GABRB1: variants seen among roughly 807,000 people sequenced by gnomAD.
GABRB1 encodes the protein gamma-aminobutyric acid type A receptor subunit beta1.
A neutral mutation model predicts 51.6 loss-of-function variants in GABRB1; 17 were observed. The ratio of observed to expected loss-of-function variants is 0.33; its 90% CI spans 0.23 to 0.49. The LOEUF is 0.49. Ranked by LOEUF, GABRB1 falls within the 20% of genes least tolerant of loss-of-function variation. The pLI is 0.99. For synonymous variants in GABRB1, 247 were observed against 218.9 expected (o/e 1.13, Z -1.14); for missense variants, 410 against 600.6 (o/e 0.68, Z 3.32).
intron 8 of GABRB1, among the ~76,000 whole-genome samples, chr4:47,422,648 T>C (rs1423831572): frequency 6.6e-6 from 1 of 152,206 alleles, no homozygotes; most frequent in Non-Finnish European, 1.5e-5. Context: ...TCTCTTTCAC[T>C]GACTCCATAG....
At chr4:47,169,818 C>A (rs1718364722) in intron 4 of GABRB1, among the ~76,000 whole-genome samples, 2 of 151,842 alleles carry the variant, frequency 1.3e-5, no homozygotes, top group African/African-American at 4.8e-5. Flanking sequence ...GCATTTTTAG[C>A]CCAAGTCTTC....
chr4:47,072,585 A>G lies in GABRB1; in HGVS notation c.240+40101A>G, dbSNP rs548562554. ...CTAACTACTACTTTTACTATGTGGT[A>G]TCATGTTTGATAATGCCTCTCTAAT... On this transcript the variant is annotated intron_variant, in intron 3 of 8. Coordinates refer to ENST00000295454, the MANE Select transcript of GABRB1 (RefSeq NM_000812.4). Among the ~76,000 whole-genome samples, 6 of 152,318 alleles carry G rather than the reference A, an allele frequency of 3.9e-5. No homozygotes were observed. The South Asian group carries it at 1.0e-3, about 26-fold the overall frequency.
At chr4:47,328,262 T>C (rs1233389807) in intron 5 of GABRB1, among the ~76,000 whole-genome samples, 6 of 152,166 alleles carry the variant, frequency 3.9e-5, no homozygotes, top group Non-Finnish European at 8.8e-5. Context: ...TTCTGTAGGT[T>C]GCCTGTTCAC....
chr4:47,106,756 A>C (rs2109618496), intron 3 of GABRB1, among the ~76,000 whole-genome samples: 1 of 152,162 alleles, frequency 6.6e-6, no homozygotes, highest in South Asian at 2.1e-4. Context: ...GAGGTTGCTT[A>C]ATGTTTAGTC....
chr4:47,119,247 T>C (rs1200081420), intron 3 of GABRB1, among the ~76,000 whole-genome samples: 5 of 152,132 alleles, frequency 3.3e-5, no homozygotes, highest in Admixed American at 6.5e-5. Context: ...TAAAATAAAA[T>C]TATATTTTTA....
chr4:47,125,490 T>C (rs1393343689), intron 3 of GABRB1, among the ~76,000 whole-genome samples: 2 of 151,252 alleles, frequency 1.3e-5, no homozygotes, highest in African/African-American at 4.8e-5. Flanking sequence ...GTATAAAAAT[T>C]AAAAGATAAA....
chr4:47,246,327 C>CATATAT (rs1721743398), intron 4 of GABRB1, among the ~76,000 whole-genome samples: 1 of 58,580 alleles, frequency 1.7e-5, no homozygotes, highest in Non-Finnish European at 3.4e-5. Flanking sequence ...CACACACACA[C>CATATAT]ACATATGTAC....
At chr4:47,062,937 A>G (rs1489340847) in intron 3 of GABRB1, among the ~76,000 whole-genome samples, 1 of 152,164 alleles carries the variant, frequency 6.6e-6, no homozygotes, top group African/African-American at 2.4e-5. Flanking sequence ...ACATCTAACT[A>G]GCCTCTGAGT....
In GABRB1 at chr4:47,162,535, T is replaced by C. The variant is rs544351146; in HGVS notation, c.461+1066T>C. Among the ~76,000 whole-genome samples, 69 of 152,182 alleles carry C rather than the reference T, an allele frequency of 4.5e-4. No homozygotes were observed. In the Middle Eastern group the frequency reaches 0.017, roughly 38 times the overall value. The stretch of plus-strand genomic sequence containing the variant: ...TCACTTCAGGCATTTCCCAAATTAT[T>C]ACCAGCATCTACCAGTGGGAATAAT... On this transcript the variant is annotated intron_variant, in intron 4 of 8. Transcript: ENST00000295454.
At chr4:47,042,393 A>G (rs112673248) in intron 3 of GABRB1, among the ~76,000 whole-genome samples, 1 of 37,968 alleles carries the variant, frequency 2.6e-5, no homozygotes, top group South Asian at 6.5e-4. Flanking sequence ...GTGTATGTGT[A>G]CATGTATGTG....
intron 5 of GABRB1, among the ~76,000 whole-genome samples, chr4:47,355,580 T>A (rs1441176908): frequency 6.6e-6 from 1 of 152,174 alleles, no homozygotes; most frequent in African/African-American, 2.4e-5. Flanking sequence ...GTTTCTGAGG[T>A]CATTCAACAA....
At chr4:47,082,482 T>C (rs1727891924) in intron 3 of GABRB1, among the ~76,000 whole-genome samples, 1 of 152,082 alleles carries the variant, frequency 6.6e-6, no homozygotes, top group African/African-American at 2.4e-5. Context: ...TTGAAGTATA[T>C]TTTAAAAGAG....
At chr4:47,162,548 C>T (rs1205205423) in intron 4 of GABRB1, among the ~76,000 whole-genome samples, 1 of 151,888 alleles carries the variant, frequency 6.6e-6, no homozygotes, top group African/African-American at 2.4e-5. Context: ...CAGCATCTAC[C>T]AGTGGGAATA....
chr4:47,320,088 T>G (rs1725021845), intron 4 of GABRB1, 39 bp from the exon 5 acceptor site: 1 of 1,329,700 alleles, frequency 7.5e-7, no homozygotes, highest in South Asian at 1.2e-5. Context: ...ATGTCATCAC[T>G]TTTGTAATGT....
intron 3 of GABRB1, among the ~76,000 whole-genome samples, chr4:47,054,232 C>A (rs924858840): frequency 2.6e-5 from 4 of 151,882 alleles, no homozygotes; most frequent in East Asian, 3.9e-4. Context: ...ACAGGCAGAA[C>A]CTTGAACACT....
chr4:47,230,594 A>C, intron 4 of GABRB1, among the ~76,000 whole-genome samples: 1 of 152,164 alleles, frequency 6.6e-6, no homozygotes, highest in Non-Finnish European at 1.5e-5. Context: ...CTGTGGGACA[A>C]GTCAATTAAG....
chr4:47,333,193 TTTATATATATA>T (rs1725556642), intron 5 of GABRB1, among the ~76,000 whole-genome samples: 2 of 1,224 alleles, frequency 1.6e-3, no homozygotes, highest in African/African-American at 2.0e-3. Flanking sequence ...ACCCATTTTA[TTTATATATATA>T]TATATATATA....
At chr4:47,206,880 G>GTA (rs920787636) in intron 4 of GABRB1, among the ~76,000 whole-genome samples, 57 of 151,330 alleles carry the variant, frequency 3.8e-4, no homozygotes, top group South Asian at 1.9e-3. Context: ...GTGTGTGTAT[G>GTA]TATATATATA....
At chr4:47,371,033 G>T (rs1487911873) in intron 5 of GABRB1, among the ~76,000 whole-genome samples, 1 of 151,996 alleles carries the variant, frequency 6.6e-6, no homozygotes, top group Non-Finnish European at 1.5e-5. Context: ...ATCAACCCAT[G>T]ACCCAGGTAG....
Sources: allele counts gnomAD v4.1 joint callset (sites outside exome capture counted in the v4.1 genomes callset), GRCh38; gene constraint gnomAD v4.1.1; transcripts MANE v1.5; gene names NCBI Gene and HGNC (gene_info 2026-07-23, HGNC 2026-07-21).